The following EPRS1 variants were observed in gnomAD, a reference collection of about 807,000 sequenced individuals.
EPRS1 encodes the protein bifunctional glutamate/proline--tRNA ligase.
EPRS1 carries 107 observed loss-of-function variants against 188.3 expected under a neutral mutation model. The ratio of observed to expected loss-of-function variants is 0.57; its 90% confidence interval spans 0.49 to 0.67. EPRS1 has a LOEUF of 0.67. Ranked by LOEUF, EPRS1 falls within the 30% of genes least tolerant of loss-of-function variation. The pLI, the probability that EPRS1 is intolerant of heterozygous loss-of-function variation, is 0.00. For synonymous variants in EPRS1, 596 were observed against 593.1 expected (o/e 1.00, Z -0.07); for missense variants, 1,577 against 1,802.2 (o/e 0.88, Z 2.26).
intron 12 of EPRS1, among the ~76,000 whole-genome samples, chr1:220,015,672 C>T: frequency 6.6e-6 from 1 of 151,954 alleles, no homozygotes; most frequent in East Asian, 1.9e-4. Context: ...AAATTTCAGA[C>T]TAAAAACACA....
At chr1:219,995,224 C>A (rs1293491763) in intron 18 of EPRS1, among the ~76,000 whole-genome samples, 1 of 152,152 alleles carries the variant, frequency 6.6e-6, no homozygotes, top group Non-Finnish European at 1.5e-5. Flanking sequence ...CTTTTCATAA[C>A]CTCAACAGTG....
At chr1:219,970,245 G>C (rs192061939) in intron 30 of EPRS1, among the ~76,000 whole-genome samples, 45 of 152,314 alleles carry the variant, frequency 3.0e-4, no homozygotes, top group Non-Finnish European at 5.0e-4. Context: ...GAGAGTTAAT[G>C]AGGGGAATAG....
At chr1:219,993,744 A>G (rs1473518898) in intron 18 of EPRS1, among the ~76,000 whole-genome samples, 2 of 152,354 alleles carry the variant, frequency 1.3e-5, no homozygotes, top group East Asian at 3.9e-4. Context: ...AGCGCTTTCA[A>G]TGGAGTACCC....
At chr1:219,988,542 C>A (rs748338758) in intron 19 of EPRS1, 48 bp downstream of exon 19, 2 of 1,304,788 alleles carry the variant, frequency 1.5e-6, no homozygotes, top group Non-Finnish European at 2.2e-6. Context: ...AAAGACAATA[C>A]CCTGAAACAT....
intron 3 of EPRS1, among the ~76,000 whole-genome samples, chr1:220,033,981 G>A (rs770743041): frequency 2.0e-5 from 3 of 151,472 alleles, no homozygotes; most frequent in Admixed American, 1.3e-4. Flanking sequence ...TGAATGAACC[G>A]AAGGGATGGT....
At chr1:220,005,465 C>T (rs1035885409) in intron 15 of EPRS1, 105 bp from the exon 16 acceptor site, 2 of 574,094 alleles carry the variant, frequency 3.5e-6, no homozygotes, top group Non-Finnish European at 6.1e-6. Context: ...CCATTTTAAA[C>T]AGATATGTTA....
In EPRS1 at chr1:220,046,432, G is replaced by T. The variant is rs1286063815; in HGVS notation, c.-44C>A. 3.1e-6 allele frequency: 5 copies of T among 1,612,212 alleles called. No homozygotes were observed. The Admixed American group carries it at 6.7e-5, about 22-fold the overall frequency. ...CCACCTGTCAGTACGCCTGGCTCGT[G>T]CCAGAACTACGGAGGACCCCGCGAA... is the stretch of plus-strand genomic sequence containing the variant. On this transcript the variant is annotated 5_prime_UTR_variant, in exon 1 of 32. Transcript: ENST00000366923.
chr1:219,996,925 T>G (rs1661245778), intron 18 of EPRS1, 58 bp downstream of exon 18: 3 of 1,502,198 alleles, frequency 2.0e-6, no homozygotes, highest in African/African-American at 1.4e-5. Flanking sequence ...GAGACTACTC[T>G]AAGCAGTTTG....
Position 219,983,260 on chromosome 1 carries a change from A to T in EPRS1, c.3229T>A (p.Tyr1077Asn). The T allele has an allele frequency of 6.2e-7, 1 of 1,614,172 alleles. No homozygotes were observed. The highest frequency in any genetic ancestry group is 8.5e-7 in the Non-Finnish European group (1 of 1,179,992). Residue 1077 changes from tyrosine to asparagine, a missense_variant, in exon 22 of 32, where the codon TAC (tyrosine) becomes AAC (asparagine). By Grantham distance (143) the Tyr-to-Asn change is moderately radical (BLOSUM62 -2). Transcript: ENST00000366923. ...CTTTGAGACACAAACATGGGGAAGT[A>T]GCAGTTTTCAACACCAAGTTTCTTG... Reference protein sequence around the residue: ...EIKKLGVENCYFPMFVSQSAL... With the variant: ...EIKKLGVENCNFPMFVSQSAL...
At chr1:220,004,675 A>C (rs1661424101) in intron 16 of EPRS1, among the ~76,000 whole-genome samples, 1 of 152,194 alleles carries the variant, frequency 6.6e-6, no homozygotes, top group Non-Finnish European at 1.5e-5. Context: ...CAGATATCTA[A>C]AGCAGTTAGA....
chr1:219,978,839 A>T, intron 27 of EPRS1, 120 bp from the exon 28 acceptor site: 1 of 678,686 alleles, frequency 1.5e-6, no homozygotes, highest in South Asian at 2.1e-5. Context: ...TGTGATTTCT[A>T]ATCTTATATA....
At chr1:219,975,754 T>C (rs946457546) in intron 28 of EPRS1, among the ~76,000 whole-genome samples, 2 of 152,160 alleles carry the variant, frequency 1.3e-5, no homozygotes, top group South Asian at 2.1e-4. Flanking sequence ...TGGTTTTTTA[T>C]TGGAATTTAA....
At chr1:220,022,931 C>T (rs1166468644) in intron 8 of EPRS1, among the ~76,000 whole-genome samples, 3 of 152,196 alleles carry the variant, frequency 2.0e-5, no homozygotes, top group African/African-American at 7.2e-5. Flanking sequence ...TTTGCCACCT[C>T]ATGCCTAAGG....
At chr1:219,970,521 G>A (rs1660644567) in intron 30 of EPRS1, among the ~76,000 whole-genome samples, 1 of 152,056 alleles carries the variant, frequency 6.6e-6, no homozygotes, top group African/African-American at 2.4e-5. Context: ...GCTCACGCCT[G>A]TAATCCCAGC....
intron 6 of EPRS1, among the ~76,000 whole-genome samples, chr1:220,027,313 A>G (rs1278896316): frequency 6.6e-6 from 1 of 152,102 alleles, no homozygotes; most frequent in Non-Finnish European, 1.5e-5. Context: ...CTGTAGTCCC[A>G]GCTACCTGGG....
At chr1:219,998,476 G>A (rs1661278019) in intron 17 of EPRS1, among the ~76,000 whole-genome samples, 1 of 151,410 alleles carries the variant, frequency 6.6e-6, no homozygotes, top group African/African-American at 2.4e-5. Context: ...ATATATAAAT[G>A]CATATACATT....
Position 219,988,723 on chromosome 1 carries a change from T to C in EPRS1, c.2642A>G (p.Gln881Arg), listed in dbSNP as rs1375679242. The C allele has an allele frequency of 2.5e-6, 4 of 1,613,762 alleles. No homozygotes were observed. The South Asian group carries it at 3.3e-5, about 13-fold the overall frequency. ...TCTGGTTGGGCTTGAATCCGAACTTTGAGATAATGGGGGCTGACCAGGTAT... is the reference window on the plus strand; with the variant it reads ...TCTGGTTGGGCTTGAATCCGAACTTCGAGATAATGGGGGCTGACCAGGTAT... The part of the protein sequence containing the change: ...EYIPGQPPLS[Q>R]SSDSSPTRNS... Residue 881 changes from glutamine to arginine, a missense_variant, in exon 19 of 32, where the codon CAA becomes CGA. Gln to Arg is a conservative substitution (Grantham distance 43, BLOSUM62 1). Transcript: ENST00000366923.
intron 21 of EPRS1, among the ~76,000 whole-genome samples, chr1:219,983,893 C>CA (rs397863625): frequency 1.1e-3 from 134 of 118,180 alleles, no homozygotes; most frequent in South Asian, 4.6e-3. Context: ...ACTCCCGTCT[C>CA]AAAAAAAAAA....
At chr1:219,990,281 A>AT (rs1161776692) in intron 18 of EPRS1, among the ~76,000 whole-genome samples, 1 of 152,198 alleles carries the variant, frequency 6.6e-6, no homozygotes, top group African/African-American at 2.4e-5. Context: ...AATATTCTAG[A>AT]TAACTAAGTA....
Sources: gnomAD v4.1 joint callset for allele counts (sites outside exome capture counted in the v4.1 genomes callset) on GRCh38, gnomAD v4.1.1 for gene constraint, MANE v1.5 for transcripts, NCBI Gene and HGNC (gene_info 2026-07-23, HGNC 2026-07-21) for gene names.